Variants in CAST observed in about 807,000 individuals in gnomAD.
The protein encoded by CAST is calpastatin.
CAST carries 76 observed loss-of-function variants against 119.6 expected under a neutral mutation model. The ratio of observed to expected loss-of-function variants is 0.64; its 90% CI spans 0.53 to 0.77. The LOEUF is 0.77. CAST is among the 30% of genes least tolerant of loss of function. CAST has a pLI of 0.00. For missense variants in CAST, 953 were observed against 946.5 expected (o/e 1.01, Z -0.09); for synonymous variants, 319 against 331.6 (o/e 0.96, Z 0.41).
At chr5:95,972,710 A>G in the CAST span, among the ~76,000 whole-genome samples, 1 of 152,112 alleles carries the variant, frequency 6.6e-6, no homozygotes, top group Non-Finnish European at 1.5e-5. Flanking sequence ...TTTGATTTTG[A>G]TGAAGTCCAG....
chr5:96,473,096 G>A, the CAST span, among the ~76,000 whole-genome samples: 1 of 152,112 alleles, frequency 6.6e-6, no homozygotes, highest in African/African-American at 2.4e-5. Context: ...CACCCTAATT[G>A]AGTATTACTT....
chr5:96,593,221 C>T (rs1746995720), intron 1 of CAST, among the ~76,000 whole-genome samples: 1 of 152,250 alleles, frequency 6.6e-6, no homozygotes, highest in Admixed American at 6.5e-5. Context: ...TACGAACATG[C>T]TCTTCTCCTT....
chr5:96,358,278 C>A, the CAST span, among the ~76,000 whole-genome samples: 1 of 152,094 alleles, frequency 6.6e-6, no homozygotes, highest in African/African-American at 2.4e-5. Flanking sequence ...TTTCAAAAAA[C>A]CAGTTCCTGG....
intron 16 of CAST, among the ~76,000 whole-genome samples, 176 bp from the exon 17 acceptor site, chr5:96,746,166 T>A (rs560690752): frequency 3.3e-5 from 5 of 152,310 alleles, no homozygotes; most frequent in African/African-American, 1.2e-4. Context: ...CACCCACTGC[T>A]CCCTTTCTCA....
At chr5:96,304,432 G>A in the CAST span, among the ~76,000 whole-genome samples, 2 of 152,158 alleles carry the variant, frequency 1.3e-5, no homozygotes, top group Non-Finnish European at 2.9e-5. Flanking sequence ...TTCTTTTGCT[G>A]TGCAGAAGCT....
the CAST span, among the ~76,000 whole-genome samples, chr5:96,231,229 G>A: frequency 1.3e-5 from 2 of 152,176 alleles, no homozygotes; most frequent in Middle Eastern, 3.4e-3. Context: ...AGGAACAACC[G>A]CAATGTTCAT....
chr5:96,346,944 A>T, the CAST span, among the ~76,000 whole-genome samples: 3 of 152,184 alleles, frequency 2.0e-5, no homozygotes, highest in South Asian at 6.2e-4. Context: ...TGGATAAGAC[A>T]AATCACTTCT....
At chr5:96,157,495 G>A in the CAST span, among the ~76,000 whole-genome samples, 4 of 152,244 alleles carry the variant, frequency 2.6e-5, no homozygotes, top group African/African-American at 7.2e-5. Flanking sequence ...CACTAAAGGT[G>A]TGGTGTCCTT....
At chr5:96,726,124 A>G (rs1759199896) in intron 4 of CAST, among the ~76,000 whole-genome samples, 1 of 152,250 alleles carries the variant, frequency 6.6e-6, no homozygotes, top group African/African-American at 2.4e-5. Context: ...AAGAAACAGC[A>G]GGAAGCATCG....
chr5:96,368,668 A>G, the CAST span, among the ~76,000 whole-genome samples: 46 of 151,988 alleles, frequency 3.0e-4, no homozygotes, highest in African/African-American at 1.1e-3. Context: ...TCTGTCCACT[A>G]TCTCTCTGGG....
At position 96,643,525 on chromosome 5, in the gene CAST, G is replaced by A. The variant is rs1343643058; in HGVS notation, c.61-32014G>A. ...GGCCATGACAGGTGGAACATCTGAG[G>A]TCAGGAGTTCGAGACCAGTCTGACC... On this transcript the variant is annotated intron_variant, in intron 1 of 11. Coordinates refer to the CAST transcript ENST00000505143. Among the ~76,000 whole-genome samples, 5 of 151,978 alleles carry A rather than the reference G, an allele frequency of 3.3e-5. No homozygotes were observed. The East Asian group carries it at 9.6e-4, about 29-fold the overall frequency.
chr5:96,149,214 C>A, the CAST span, among the ~76,000 whole-genome samples: 1 of 152,186 alleles, frequency 6.6e-6, no homozygotes, highest in African/African-American at 2.4e-5. Context: ...ACTGCAGGCA[C>A]AAACTTGTAA....
chr5:96,754,133 A>C lies in CAST; in HGVS notation c.1598A>C (p.Asp533Ala). 3 of 1,612,660 alleles carry C rather than the reference A, an allele frequency of 1.9e-6. No individual in the cohort carries two copies. The highest frequency in any genetic ancestry group is 1.7e-6 in the Non-Finnish European group (2 of 1,178,624). Reference sequence around the variant, plus strand: ...GGGAAAAAGGAAGCAGATCCAGAAGATGGAAAACCTGTGATGGATAAAGTC... The same window carrying C: ...GGGAAAAAGGAAGCAGATCCAGAAGCTGGAAAACCTGTGATGGATAAAGTC... ...SLGKKEADPE[D>A]GKPVMDKVKE... Residue 533 changes from aspartate (D) to alanine (A), a missense_variant, in exon 21 of 32, where the codon GAT (aspartate) becomes GCT (alanine). Physicochemically the swap from Asp to Ala is moderately radical, Grantham distance 126. Transcript: ENST00000675179.
In CAST at chr5:96,722,581, C is replaced by A. The variant is rs1758481135; in HGVS notation, c.211-58C>A. The A allele has an allele frequency of 3.1e-6, 4 of 1,281,172 alleles. No homozygotes were observed. In the Admixed American group the frequency reaches 6.7e-5, roughly 22 times the overall value. 79.4% of individuals were successfully genotyped at this position (1,281,172 alleles called of 1,614,324 possible). On this transcript the variant is annotated intron_variant, in intron 3 of 31. Transcript: ENST00000675179. The stretch of plus-strand genomic sequence containing the variant: ...AGTATGGTTAAGAGGAGCTGAAGGA[C>A]CATGTAGATTGTAGGTTAAATAGAA...
At chr5:96,681,416 CT>C (rs932742267) in intron 2 of CAST, among the ~76,000 whole-genome samples, 1 of 152,016 alleles carries the variant, frequency 6.6e-6, no homozygotes, top group African/African-American at 2.4e-5. Flanking sequence ...AGATTTTTTT[CT>C]TTTGTTCTTA....
chr5:96,713,438 C>G (rs1182082523), intron 3 of CAST, among the ~76,000 whole-genome samples: 2 of 151,964 alleles, frequency 1.3e-5, no homozygotes, highest in Non-Finnish European at 2.9e-5. Context: ...GCCAGAATTT[C>G]TCATTCTTAT....
At chr5:96,009,556 G>A in the CAST span, among the ~76,000 whole-genome samples, 1 of 152,076 alleles carries the variant, frequency 6.6e-6, no homozygotes, top group Non-Finnish European at 1.5e-5. Context: ...TTAGTGATGG[G>A]AGCATTTTTT....
the CAST span, among the ~76,000 whole-genome samples, chr5:96,194,092 A>G: frequency 6.6e-6 from 1 of 152,186 alleles, no homozygotes; most frequent in African/African-American, 2.4e-5. Flanking sequence ...ACCATACCTA[A>G]AAGAAAGCAT....
the CAST span, among the ~76,000 whole-genome samples, chr5:96,244,515 CTCA>C: frequency 0.025 from 3,753 of 152,166 alleles, 164 homozygotes; most frequent in African/African-American, 0.086. Flanking sequence ...TTTAAGAAAA[CTCA>C]TCATCACCAC....
Sources: gnomAD v4.1 joint callset for allele counts (sites outside exome capture counted in the v4.1 genomes callset) on GRCh38, gnomAD v4.1.1 for gene constraint, MANE v1.5 for transcripts, NCBI Gene and HGNC (gene_info 2026-07-23, HGNC 2026-07-21) for gene names.